The following TBC1D22A variants were observed in gnomAD, a reference collection of about 807,000 sequenced individuals.
The protein encoded by TBC1D22A is TBC1 domain family member 22A.
TBC1D22A carries 38 observed loss-of-function variants against 60.2 expected under a neutral mutation model. The ratio of observed to expected loss-of-function variants is 0.63; its 90% CI spans 0.49 to 0.83. The LOEUF is 0.83. TBC1D22A is among the 40% of genes least tolerant of loss of function. The pLI is 0.00. For synonymous variants in TBC1D22A, 302 were observed against 281.7 expected, an observed-to-expected ratio of 1.07 and a Z score of -0.72; for missense variants, 628 against 701.0, an observed-to-expected ratio of 0.90 and a Z score of 1.18.
At chr22:47,069,805 C>T (rs568195178) in intron 11 of TBC1D22A, among the ~76,000 whole-genome samples, 21 of 119,212 alleles carry the variant, frequency 1.8e-4, no homozygotes, top group Non-Finnish European at 3.2e-4. Flanking sequence ...GCTGACTTGA[C>T]GGTTCCCGGC....
chr22:46,904,095 A>AAATC (rs879270620), intron 7 of TBC1D22A, among the ~76,000 whole-genome samples: 13,468 of 125,650 alleles, frequency 0.11, 726 homozygotes, highest in Non-Finnish European at 0.13. Context: ...TATCTAAATA[A>AAATC]AATCTATCTA....
intron 11 of TBC1D22A, among the ~76,000 whole-genome samples, chr22:47,079,286 C>T (rs2064359683): frequency 1.3e-5 from 2 of 151,996 alleles, no homozygotes; most frequent in Admixed American, 1.3e-4. Flanking sequence ...GGGGTTTCAC[C>T]ATATTGGCCA....
At chr22:46,788,158 G>C (rs749711297) in intron 1 of TBC1D22A, among the ~76,000 whole-genome samples, 6 of 152,044 alleles carry the variant, frequency 3.9e-5, no homozygotes, top group Admixed American at 6.6e-5. Context: ...GGACGGTCTC[G>C]ATCTCCAGAC....
intron 1 of TBC1D22A, among the ~76,000 whole-genome samples, chr22:46,779,208 AAC>A (rs2083992430): frequency 6.6e-6 from 1 of 152,228 alleles, no homozygotes; most frequent in Admixed American, 6.5e-5. Flanking sequence ...CATCACCGCA[AAC>A]ACAGGAGTAT....
intron 4 of TBC1D22A, among the ~76,000 whole-genome samples, chr22:46,847,419 G>A (rs2147257566): frequency 6.6e-6 from 1 of 152,306 alleles, no homozygotes; most frequent in South Asian, 2.1e-4. Context: ...AGGCATGAAG[G>A]TTGGCCTGGT....
chr22:46,800,748 C>G (rs182247855), intron 4 of TBC1D22A, among the ~76,000 whole-genome samples: 1 of 152,212 alleles, frequency 6.6e-6, no homozygotes, highest in Non-Finnish European at 1.5e-5. Context: ...GTTGTTGTTA[C>G]GTTCATTTGA....
chr22:46,805,999 C>T (rs1464782090), intron 4 of TBC1D22A, among the ~76,000 whole-genome samples: 2 of 115,922 alleles, frequency 1.7e-5, no homozygotes, highest in African/African-American at 6.4e-5. Flanking sequence ...ATTACAGGCA[C>T]CCACCACCAC....
chr22:47,038,311 C>G (rs1216498333), intron 11 of TBC1D22A, among the ~76,000 whole-genome samples: 1 of 152,206 alleles, frequency 6.6e-6, no homozygotes, highest in African/African-American at 2.4e-5. Flanking sequence ...GGCAGCTGCC[C>G]TTGGAGGTTG....
At chr22:46,959,844 C>CA (rs2073402618) in intron 8 of TBC1D22A, among the ~76,000 whole-genome samples, 1 of 152,308 alleles carries the variant, frequency 6.6e-6, no homozygotes, top group East Asian at 1.9e-4. Flanking sequence ...CTGCCATCGG[C>CA]ATTTGCTTTT....
At chr22:47,150,581 G>C (rs562942330) in intron 12 of TBC1D22A, among the ~76,000 whole-genome samples, 63 of 152,326 alleles carry the variant, frequency 4.1e-4, no homozygotes, top group Non-Finnish European at 6.6e-4. Context: ...TCTGCACCTG[G>C]GTGCCTGGGC....
rs148450942 is a variant in TBC1D22A at position 46,906,779 on chromosome 22, C to CTGTGTGTGTG, written c.901-5283_901-5274dup. ...GTGTGTGTCCCAGATGGACCCTGAA[C>CTGTGTGTGTG]TGTGTGTGTGTGTGTGTGTGTATGT... On this transcript the variant is annotated intron_variant, in intron 7 of 12. Coordinates refer to ENST00000337137, the MANE Select transcript of TBC1D22A (RefSeq NM_014346.5). 5.5e-3 allele frequency among the ~76,000 whole-genome samples: 824 copies of CTGTGTGTGTG among 149,170 alleles called. 3 individuals carry two copies. Among genetic ancestry groups the CTGTGTGTGTG allele is most frequent in the African/African-American group, 0.018 (735 of 40,592 alleles).
intron 4 of TBC1D22A, among the ~76,000 whole-genome samples, chr22:46,849,960 T>A (rs755411040): frequency 1.3e-5 from 2 of 152,220 alleles, no homozygotes; most frequent in Non-Finnish European, 2.9e-5. Flanking sequence ...CTGGTGATGA[T>A]ATTTTAGTTT....
At chr22:47,109,348 A>G (rs2065760196) in intron 11 of TBC1D22A, among the ~76,000 whole-genome samples, 1 of 152,238 alleles carries the variant, frequency 6.6e-6, no homozygotes, top group Non-Finnish European at 1.5e-5. Flanking sequence ...AAAAAAAACC[A>G]GTCAGGATTT....
chr22:46,779,158 T>A (rs140843281), intron 1 of TBC1D22A, among the ~76,000 whole-genome samples: 14 of 152,366 alleles, frequency 9.2e-5, no homozygotes, highest in African/African-American at 3.4e-4. Context: ...TGTGCTATAC[T>A]GTTATAGGAC....
chr22:47,033,368 T>C (rs969621223), intron 10 of TBC1D22A, among the ~76,000 whole-genome samples: 17 of 152,216 alleles, frequency 1.1e-4, no homozygotes, highest in African/African-American at 1.4e-4. Flanking sequence ...TATTGCTGTG[T>C]TGAGAAATAG....
At chr22:47,165,312 A>G (rs1290645896) in intron 12 of TBC1D22A, among the ~76,000 whole-genome samples, 2 of 152,146 alleles carry the variant, frequency 1.3e-5, no homozygotes, top group Non-Finnish European at 2.9e-5. Flanking sequence ...GCCACCTCCC[A>G]GGAGGTGCCT....
At chr22:47,133,392 G>T (rs1457430961) in intron 12 of TBC1D22A, among the ~76,000 whole-genome samples, 2 of 152,168 alleles carry the variant, frequency 1.3e-5, no homozygotes, top group Non-Finnish European at 2.9e-5. Flanking sequence ...TGAGAGGAAC[G>T]TGAGCCACCC....
At chr22:46,941,212 C>CACACACACACAG (rs1410120582) in intron 8 of TBC1D22A, among the ~76,000 whole-genome samples, 1 of 118,404 alleles carries the variant, frequency 8.4e-6, no homozygotes, top group Non-Finnish European at 1.7e-5. Flanking sequence ...TATGTATACA[C>CACACACACACAG]ACACACACAC....
intron 11 of TBC1D22A, among the ~76,000 whole-genome samples, chr22:47,056,597 C>T (rs1029816081): frequency 2.0e-5 from 3 of 152,190 alleles, no homozygotes; most frequent in Non-Finnish European, 4.4e-5. Context: ...ACCATCCTGT[C>T]TCCTTGTTGG....
Sources: gnomAD v4.1 joint callset for allele counts (sites outside exome capture counted in the v4.1 genomes callset) on GRCh38, gnomAD v4.1.1 for gene constraint, MANE v1.5 for transcripts, NCBI Gene and HGNC (gene_info 2026-07-23, HGNC 2026-07-21) for gene names.